The following PHF2 variants were observed in gnomAD, a reference collection of about 807,000 sequenced individuals.
The protein encoded by PHF2 is lysine-specific demethylase PHF2.
Under a neutral mutation model 120.5 loss-of-function variants are expected in PHF2, and 27 were observed. The ratio of observed to expected loss-of-function variants is 0.22; its 90% CI spans 0.17 to 0.31. PHF2 has a LOEUF of 0.31. Among genes scored for constraint, PHF2 ranks in the 10% least tolerant of loss-of-function variants. PHF2 has a pLI of 1.00. For synonymous variants in PHF2, 568 were observed against 592.5 expected (o/e 0.96, Z 0.60); for missense variants, 1,024 against 1,434.8 (o/e 0.71, Z 4.63).
At chr9:93,601,593 C>T (rs917537302) in intron 1 of PHF2, among the ~76,000 whole-genome samples, 2 of 152,098 alleles carry the variant, frequency 1.3e-5, no homozygotes, top group Admixed American at 1.3e-4. Context: ...CACCCCCAGG[C>T]TGGCCCACTG....
chr9:93,629,935 A>T, intron 1 of PHF2, 35 bp from the exon 2 acceptor site: 1 of 1,584,196 alleles, frequency 6.3e-7, no homozygotes, highest in Non-Finnish European at 8.7e-7. Context: ...GGGGTGCTGA[A>T]TGCCTAGGTA....
intron 4 of PHF2, among the ~76,000 whole-genome samples, chr9:93,647,468 G>T (rs973918166): frequency 2.0e-5 from 3 of 152,032 alleles, no homozygotes; most frequent in Admixed American, 1.3e-4. Context: ...TTTTATGATG[G>T]AACTTTTTAA....
At chr9:93,594,983 T>C (rs1158380987) in intron 1 of PHF2, 1 of 153,306 alleles carries the variant, frequency 6.5e-6, no homozygotes, top group Non-Finnish European at 1.5e-5. Context: ...TTATAGTTAC[T>C]TAGGTACTTA....
chr9:93,594,137 A>C (rs1587667709), intron 1 of PHF2, among the ~76,000 whole-genome samples: 1 of 150,252 alleles, frequency 6.7e-6, no homozygotes, highest in African/African-American at 2.5e-5. Flanking sequence ...AGGACACCTC[A>C]CCCTTCCGGA....
rs1474233625 is a variant in PHF2, at chr9:93,656,957, G to A, written c.1147+362G>A. Reference sequence around the variant, plus strand: ...TGGCTCTGTCACCAGCTGAGGAGTGGGTGCGAGTGGGCTCTGGGTCCCCTT... The same window carrying A: ...TGGCTCTGTCACCAGCTGAGGAGTGAGTGCGAGTGGGCTCTGGGTCCCCTT... On this transcript the variant is annotated intron_variant, in intron 9 of 21. Transcript: ENST00000359246. This position sits in a 1 kb window ranked among gnomAD's most constrained non-coding sequence, Gnocchi z 4.1. Among the ~76,000 whole-genome samples, 2 of 152,114 alleles carry A rather than the reference G, an allele frequency of 1.3e-5. No homozygotes were observed. Among genetic ancestry groups the A allele is most frequent in the African/African-American group, 4.8e-5 (2 of 41,434 alleles).
intron 17 of PHF2, among the ~76,000 whole-genome samples, chr9:93,669,628 C>T (rs577713128): frequency 4.1e-4 from 62 of 152,322 alleles, no homozygotes; most frequent in African/African-American, 8.2e-4. Context: ...GCAGTGAGGG[C>T]GCCTGCCCCG....
chr9:93,650,048 C>T (rs894923923), intron 5 of PHF2, among the ~76,000 whole-genome samples: 2 of 151,156 alleles, frequency 1.3e-5, no homozygotes, highest in Non-Finnish European at 2.9e-5. Context: ...ACATTCACAA[C>T]ACACCGACAC....
At chr9:93,626,023 A>G (rs1269793297) in intron 1 of PHF2, among the ~76,000 whole-genome samples, 28 of 152,044 alleles carry the variant, frequency 1.8e-4, no homozygotes, top group Admixed American at 1.8e-3. Context: ...TGGGTGGATC[A>G]TCTGAGGTAA....
At chr9:93,623,139 T>C (rs1381613433) in intron 1 of PHF2, among the ~76,000 whole-genome samples, 1 of 152,008 alleles carries the variant, frequency 6.6e-6, no homozygotes, top group East Asian at 1.9e-4. Context: ...TGGAGTGTGG[T>C]TGTGGCTGTG....
At chr9:93,647,164 C>T (rs1378221670) in intron 4 of PHF2, among the ~76,000 whole-genome samples, 5 of 152,246 alleles carry the variant, frequency 3.3e-5, no homozygotes, top group African/African-American at 4.8e-5. Flanking sequence ...TCTTTCTCAC[C>T]TTCCCAGACC....
intron 4 of PHF2, among the ~76,000 whole-genome samples, chr9:93,648,715 A>G (rs1197868821): frequency 2.0e-5 from 3 of 152,182 alleles, no homozygotes; most frequent in African/African-American, 7.2e-5. Flanking sequence ...TTTAAAATGT[A>G]GGTATGTCTC....
At chr9:93,641,886 G>C (rs1256421960) in intron 3 of PHF2, among the ~76,000 whole-genome samples, 1 of 152,100 alleles carries the variant, frequency 6.6e-6, no homozygotes, top group Non-Finnish European at 1.5e-5. Context: ...TTATGCCTTT[G>C]TTTTCTTCTG....
chr9:93,663,773 A>ACACC, intron 14 of PHF2, 138 bp downstream of exon 14: 1 of 600,514 alleles, frequency 1.7e-6, no homozygotes. Flanking sequence ...CATCTCACAC[A>ACACC]CACCACACAC....
intron 3 of PHF2, among the ~76,000 whole-genome samples, chr9:93,637,225 A>G (rs569407287): frequency 2.0e-4 from 30 of 152,360 alleles, no homozygotes; most frequent in African/African-American, 7.0e-4. Flanking sequence ...TTCTAATGCA[A>G]AATCCAATGG....
At chr9:93,608,100 T>A (rs76290025) in intron 1 of PHF2, among the ~76,000 whole-genome samples, 10,881 of 152,148 alleles carry the variant, frequency 0.072, 519 homozygotes, top group Non-Finnish European at 0.097. Flanking sequence ...TGTCTTACCT[T>A]ATTGTATTAG....
Position 93,676,859 on chromosome 9 carries a change from C to T in PHF2, c.3098C>T (p.Thr1033Ile), listed in dbSNP as rs1826926198. 3 of 1,567,516 alleles carry T rather than the reference C, an allele frequency of 1.9e-6. No homozygotes were observed. Among genetic ancestry groups the T allele is most frequent in the African/African-American group, 2.7e-5 (2 of 74,148 alleles). ...DHEYTAAGTFTGAQAGRTSQP... is the reference protein window; with the variant it reads ...DHEYTAAGTFIGAQAGRTSQP... ...GAGTACACAGCCGCTGGCACCTTCA[C>T]CGGGGCCCAGGCTGGCCGCACCTCC... Residue 1033 changes from threonine (T) to isoleucine (I), a missense_variant, in exon 21 of 22, where the codon ACC becomes ATC. Coordinates refer to ENST00000359246, the MANE Select transcript of PHF2 (RefSeq NM_005392.4).
intron 1 of PHF2, among the ~76,000 whole-genome samples, chr9:93,597,035 A>G (rs1405430994): frequency 7.0e-6 from 1 of 142,336 alleles, no homozygotes; most frequent in East Asian, 2.0e-4. Flanking sequence ...AGTTCATGCC[A>G]TTCTCCAGCC....
Position 93,602,660 on chromosome 9 carries a change from T to A in PHF2, c.98+25789T>A, listed in dbSNP as rs142905726. ...TTCCCAGCAAGCTCATGGTTATGCC[T>A]GGGTCCTAGCTGTATGGACATCTCT... On this transcript the variant is annotated intron_variant, in intron 1 of 21. Transcript: ENST00000359246. Among the ~76,000 whole-genome samples the A allele has an allele frequency of 1.2e-4, 19 of 152,278 alleles. No individual in the cohort carries two copies. The East Asian group carries it at 3.7e-3, about 29-fold the overall frequency.
chr9:93,621,841 T>C (rs1464969729), intron 1 of PHF2, among the ~76,000 whole-genome samples: 4 of 152,196 alleles, frequency 2.6e-5, no homozygotes, highest in Admixed American at 6.5e-5. Flanking sequence ...TTTCCATCCT[T>C]GTTGACTGAC....
Sources: gnomAD v4.1 joint callset for allele counts (sites outside exome capture counted in the v4.1 genomes callset) on GRCh38, gnomAD v4.1.1 for gene constraint, Gnocchi (gnomAD v3.1) non-coding constraint, MANE v1.5 for transcripts, NCBI Gene and HGNC (gene_info 2026-07-23, HGNC 2026-07-21) for gene names.